Variants in GPHN observed in about 807,000 individuals in gnomAD.
The protein encoded by GPHN is gephyrin.
In GPHN, 17 loss-of-function variants were observed where a neutral mutation model predicts 95.5. That is an observed-to-expected ratio of 0.18 (90% CI 0.12 to 0.27). The LOEUF is 0.27. GPHN is among the 10% of genes least tolerant of loss of function. The pLI is 1.00. For synonymous variants in GPHN, 320 were observed against 322.5 expected (o/e 0.99, Z 0.08); for missense variants, 660 against 978.1 (o/e 0.67, Z 4.34).
chr14:67,532,948 C>G, the GPHN span, among the ~76,000 whole-genome samples: 1 of 152,016 alleles, frequency 6.6e-6, no homozygotes, highest in Admixed American at 6.5e-5. Context: ...CTTGCGGCAG[C>G]TGGTGCGGCC....
chr14:66,518,835 C>T (rs539872179), intron 1 of GPHN, among the ~76,000 whole-genome samples: 19 of 151,758 alleles, frequency 1.3e-4, no homozygotes, highest in East Asian at 7.7e-4. Flanking sequence ...TGGGAAGAGG[C>T]GGGGGAAGGG....
At chr14:67,227,050 C>A in the GPHN span, among the ~76,000 whole-genome samples, 1 of 152,146 alleles carries the variant, frequency 6.6e-6, no homozygotes, top group African/African-American at 2.4e-5. Context: ...TATTCAGCAA[C>A]AAAATTTCAA....
At chr14:66,770,500 A>G (rs541995584) in intron 2 of GPHN, among the ~76,000 whole-genome samples, 94 of 152,152 alleles carry the variant, frequency 6.2e-4, no homozygotes, top group Non-Finnish European at 1.1e-3. Flanking sequence ...AATGAAACCT[A>G]TAAACCATGA....
chr14:66,815,692 C>T (rs2060935060), intron 3 of GPHN, among the ~76,000 whole-genome samples: 1 of 152,120 alleles, frequency 6.6e-6, no homozygotes, highest in Non-Finnish European at 1.5e-5. Context: ...AGACCATTAC[C>T]AGCCACTACA....
the GPHN span, chr14:67,387,198 T>A: frequency 2.5e-6 from 2 of 799,930 alleles, no homozygotes. Context: ...GAGGAACTCT[T>A]GGCAGCATTC....
At chr14:67,172,687 C>T (rs927181327) in intron 21 of GPHN, among the ~76,000 whole-genome samples, 6 of 152,112 alleles carry the variant, frequency 3.9e-5, no homozygotes, top group Admixed American at 3.3e-4. Flanking sequence ...TAGACTACCC[C>T]CCTAGTGTCT....
the GPHN span, chr14:67,411,944 T>C: frequency 2.2e-6 from 3 of 1,359,718 alleles, no homozygotes; most frequent in African/African-American, 3.0e-5. Flanking sequence ...GGGGCGCGCG[T>C]CTGGCCCCGC....
At chr14:66,791,245 T>C (rs2059960403) in intron 3 of GPHN, among the ~76,000 whole-genome samples, 1 of 152,132 alleles carries the variant, frequency 6.6e-6, no homozygotes, top group South Asian at 2.1e-4. Context: ...TCTATTTCCT[T>C]TGGGTTGGGG....
chr14:67,356,689 G>C, the GPHN span, among the ~76,000 whole-genome samples: 2 of 152,126 alleles, frequency 1.3e-5, no homozygotes, highest in Admixed American at 6.5e-5. Context: ...CTCAAACTAA[G>C]GCTCCAACCT....
intron 4 of GPHN, among the ~76,000 whole-genome samples, chr14:66,845,869 G>T (rs1050992592): frequency 1.3e-5 from 2 of 151,230 alleles, no homozygotes; most frequent in East Asian, 1.9e-4. Flanking sequence ...GTCTGTGTGC[G>T]TGCGCACACG....
At chr14:66,997,648 A>G (rs1022282916) in intron 9 of GPHN, among the ~76,000 whole-genome samples, 9 of 152,230 alleles carry the variant, frequency 5.9e-5, no homozygotes, top group African/African-American at 2.2e-4. Flanking sequence ...AGAAAAAACC[A>G]AAAGAAATAG....
intron 2 of GPHN, among the ~76,000 whole-genome samples, chr14:66,744,418 G>A (rs899636138): frequency 1.3e-5 from 2 of 152,150 alleles, no homozygotes; most frequent in African/African-American, 2.4e-5. Context: ...GAATTAAGTT[G>A]TATTGGCTTT....
At chr14:67,651,353 G>A in the GPHN span, 4 of 1,612,892 alleles carry the variant, frequency 2.5e-6, no homozygotes, top group South Asian at 2.2e-5. Flanking sequence ...CAAGGTCAAA[G>A]TTCTGGTCCA....
chr14:67,582,385 C>T, the GPHN span: 20 of 1,105,602 alleles, frequency 1.8e-5, no homozygotes, highest in South Asian at 1.2e-4. This position sits in a 1 kb window ranked among gnomAD's most constrained non-coding sequence, Gnocchi z 5.0. Flanking sequence ...CCTCACTCAC[C>T]GCAGATATAG....
chr14:66,732,201 G>A (rs1454308896), intron 2 of GPHN, among the ~76,000 whole-genome samples: 1 of 152,212 alleles, frequency 6.6e-6, no homozygotes, highest in African/African-American at 2.4e-5. Flanking sequence ...AGCTATGTGA[G>A]AAGAGGACCA....
chr14:66,716,034 G>A (rs1392042468), intron 2 of GPHN, among the ~76,000 whole-genome samples: 1 of 152,038 alleles, frequency 6.6e-6, no homozygotes, highest in Non-Finnish European at 1.5e-5. Flanking sequence ...CCAAGGTATA[G>A]TTTAAATTGA....
At chr14:67,479,360 G>C in the GPHN span, among the ~76,000 whole-genome samples, 1 of 148,616 alleles carries the variant, frequency 6.7e-6, no homozygotes, top group Non-Finnish European at 1.5e-5. Context: ...AGCAGTGAGC[G>C]AGATCGTACC....
At chr14:66,639,242 G>A (rs538925053) in intron 1 of GPHN, among the ~76,000 whole-genome samples, 21 of 151,772 alleles carry the variant, frequency 1.4e-4, no homozygotes, top group Non-Finnish European at 2.7e-4. Context: ...TGCAATTATC[G>A]AACAAAGAAG....
the GPHN span, chr14:67,225,101 T>C: frequency 6.4e-7 from 1 of 1,553,400 alleles, no homozygotes; most frequent in Non-Finnish European, 8.7e-7. Context: ...CTTATTCTTT[T>C]TCTTTTTTCC....
Sources: gnomAD v4.1 joint callset for allele counts (sites outside exome capture counted in the v4.1 genomes callset) on GRCh38, gnomAD v4.1.1 for gene constraint, Gnocchi (gnomAD v3.1) non-coding constraint, MANE v1.5 for transcripts, NCBI Gene and HGNC (gene_info 2026-07-23, HGNC 2026-07-21) for gene names.